The following CMBL variants were observed in gnomAD, a reference collection of about 807,000 sequenced individuals.
CMBL encodes carboxymethylenebutenolidase homolog (Pseudomonas).
Under a neutral mutation model 28.7 loss-of-function variants are expected in CMBL, and 17 were observed. That is an observed-to-expected ratio of 0.59 (90% confidence interval 0.41 to 0.89). CMBL has a LOEUF of 0.89. CMBL is among the 40% of genes least tolerant of loss of function. CMBL has a pLI of 0.00. For synonymous variants in CMBL, 106 were observed against 101.6 expected (o/e 1.04, Z -0.26); for missense variants, 310 against 298.5 (o/e 1.04, Z -0.28).
chr5:10,286,302 C>T, intron 4 of CMBL, 52 bp downstream of exon 4: 2 of 1,564,926 alleles, frequency 1.3e-6, no homozygotes, highest in Non-Finnish European at 8.7e-7. Context: ...ATTGTTGTCA[C>T]TCTTCCACCC....
intron 1 of CMBL, among the ~76,000 whole-genome samples, chr5:10,303,593 G>C (rs1746947951): frequency 6.6e-6 from 1 of 152,146 alleles, no homozygotes; most frequent in South Asian, 2.1e-4. Flanking sequence ...TGCAGCACTG[G>C]AAAGTGTAAA....
At chr5:10,291,478 C>G (rs1051907006) in intron 1 of CMBL, among the ~76,000 whole-genome samples, 3 of 151,886 alleles carry the variant, frequency 2.0e-5, no homozygotes, top group Admixed American at 1.3e-4. Context: ...CTGGCTAACA[C>G]GGTGAAACCC....
rs1402073331 is a variant in CMBL at position 10,289,553 on chromosome 5, C to T, written c.215+995G>A. ...GGTTTCCTAATCTGCAAAATGAGAG[C>T]AATAACAGCTCCTCCCTCAAGGGGC... On this transcript the variant is annotated intron_variant, in intron 2 of 5. Transcript: ENST00000296658. The surrounding 1 kb of genome is among the most constrained non-coding windows in gnomAD (Gnocchi z 4.3). Among the ~76,000 whole-genome samples the T allele has an allele frequency of 6.6e-6, 1 of 152,160 alleles. No homozygotes were observed. Among genetic ancestry groups the T allele is most frequent in the Non-Finnish European group, 1.5e-5 (1 of 68,034 alleles).
intron 1 of CMBL, among the ~76,000 whole-genome samples, chr5:10,301,309 T>C (rs1044442211): frequency 2.0e-5 from 3 of 152,198 alleles, no homozygotes; most frequent in African/African-American, 7.2e-5. Flanking sequence ...TAACTAGTTA[T>C]CCAATCAAGG....
intron 1 of CMBL, among the ~76,000 whole-genome samples, chr5:10,296,727 A>T (rs950764987): frequency 1.3e-5 from 2 of 152,176 alleles, no homozygotes; most frequent in Non-Finnish European, 2.9e-5. Context: ...GAAGACCCCA[A>T]GTGTGGTGTC....
intron 1 of CMBL, among the ~76,000 whole-genome samples, chr5:10,296,279 T>C (rs907674073): frequency 2.6e-5 from 4 of 152,128 alleles, no homozygotes; most frequent in African/African-American, 7.2e-5. Flanking sequence ...TGACTGTATG[T>C]GGGTTTGGTT....
In CMBL at chr5:10,279,302, A is replaced by G. The variant is rs1188193259; in HGVS notation, c.*1151T>C. ...CAAAAATTCAAAAAATTAGTTTATT[A>G]GCTTAATATAATTAGGTCAATGGAA... On this transcript the variant is annotated 3_prime_UTR_variant, in exon 6 of 6. Transcript: ENST00000296658. 6.6e-6 allele frequency: 1 copy of G among 152,244 alleles called. No homozygotes were observed. The highest frequency in any genetic ancestry group is 1.5e-5 in the Non-Finnish European group (1 of 68,038). The allele number at this position is 152,244 out of a possible 1,614,324, so 9.4% of individuals were successfully genotyped here. A position where few individuals can be genotyped will look rare whatever the true frequency, so the allele number is the denominator to read the frequency against.
chr5:10,294,340 T>G (rs555728679), intron 1 of CMBL, among the ~76,000 whole-genome samples: 1 of 152,126 alleles, frequency 6.6e-6, no homozygotes, highest in East Asian at 1.9e-4. Flanking sequence ...TTTGGGAGGC[T>G]GAGGTGGGAG....
At chr5:10,282,351 C>G (rs1467924866) in intron 4 of CMBL, 63 bp from the exon 5 acceptor site, 9 of 944,938 alleles carry the variant, frequency 9.5e-6, no homozygotes, top group Non-Finnish European at 1.4e-5. Flanking sequence ...GATCCCCACA[C>G]CCATGCCGCA....
chr5:10,288,614 G>A (rs542381026), intron 2 of CMBL, 85 bp from the exon 3 acceptor site: 20 of 1,052,038 alleles, frequency 1.9e-5, no homozygotes, highest in South Asian at 5.1e-5. Context: ...AACTTGCTAC[G>A]TTGGCGATTC....
At chr5:10,286,589 T>A in intron 3 of CMBL, 93 bp from the exon 4 acceptor site, 2 of 1,216,202 alleles carry the variant, frequency 1.6e-6, no homozygotes, top group Non-Finnish European at 2.2e-6. Context: ...TATCAGCAAC[T>A]GTTTTTGAAG....
At chr5:10,305,989 TACA>T (rs10611513) in intron 1 of CMBL, among the ~76,000 whole-genome samples, 18,780 of 152,146 alleles carry the variant, frequency 0.12, 1,820 homozygotes, top group African/African-American at 0.27. Context: ...TTGAACCAGT[TACA>T]ACATCTGCCT....
chr5:10,277,837 A>C lies in CMBL; in HGVS notation c.*2616T>G, dbSNP rs1746421952. 6.6e-6 allele frequency among the ~76,000 whole-genome samples: 1 copy of C among 152,224 alleles called. No individual in the cohort carries two copies. The highest frequency in any genetic ancestry group is 1.5e-5 in the Non-Finnish European group (1 of 68,034). ...GCAGAGGGAAGGCTGCCCAGGCCCCAAGCTCACCATGAAGGATACAGCCAC... is the reference window on the plus strand; with the variant it reads ...GCAGAGGGAAGGCTGCCCAGGCCCCCAGCTCACCATGAAGGATACAGCCAC... On this transcript the variant is annotated 3_prime_UTR_variant, in exon 6 of 6. Coordinates refer to ENST00000296658, the MANE Select transcript of CMBL (RefSeq NM_138809.4).
chr5:10,306,157 G>A (rs1746997179), intron 1 of CMBL, among the ~76,000 whole-genome samples: 2 of 152,196 alleles, frequency 1.3e-5, no homozygotes, highest in Admixed American at 6.5e-5. Flanking sequence ...AGGTGATAAA[G>A]TATGGTGAGG....
chr5:10,281,855 C>T (rs1403785447), intron 5 of CMBL, among the ~76,000 whole-genome samples: 3 of 152,062 alleles, frequency 2.0e-5, no homozygotes, highest in Admixed American at 6.6e-5. Context: ...AATGTCAAAC[C>T]GTGCTATTAA....
Position 10,294,746 on chromosome 5 carries a change from G to T in CMBL, c.-19-3965C>A, listed in dbSNP as rs181397903. Among the ~76,000 whole-genome samples, 5 of 152,338 alleles carry T rather than the reference G, an allele frequency of 3.3e-5. No homozygotes were observed. In the East Asian group the frequency reaches 7.7e-4, roughly 23 times the overall value. ...TCAAGTGTGGACAGATTTTACGGCA[G>T]AGCCACTCAGTTCTGCTGACAGATT... On this transcript the variant is annotated intron_variant, in intron 1 of 5. Coordinates refer to ENST00000296658, the MANE Select transcript of CMBL (RefSeq NM_138809.4).
At chr5:10,300,195 G>A (rs889823894) in intron 1 of CMBL, among the ~76,000 whole-genome samples, 2 of 152,166 alleles carry the variant, frequency 1.3e-5, no homozygotes, top group Non-Finnish European at 2.9e-5. Flanking sequence ...CACAACAGAC[G>A]CACAGAAGAG....
chr5:10,301,604 G>A (rs1181297922), intron 1 of CMBL, among the ~76,000 whole-genome samples: 1 of 70,584 alleles, frequency 1.4e-5, no homozygotes, highest in South Asian at 3.6e-4. Context: ...TTTTCTTTTC[G>A]GGTTTTTTTT....
intron 1 of CMBL, among the ~76,000 whole-genome samples, chr5:10,294,692 G>A (rs1561064821): frequency 6.6e-6 from 1 of 152,234 alleles, no homozygotes; most frequent in Non-Finnish European, 1.5e-5. Context: ...GCTCACACCA[G>A]GACGGTGATG....
Sources: allele counts gnomAD v4.1 joint callset (sites outside exome capture counted in the v4.1 genomes callset), GRCh38; gene constraint gnomAD v4.1.1; non-coding constraint Gnocchi (gnomAD v3.1); transcripts MANE v1.5; gene names NCBI Gene and HGNC (gene_info 2026-07-23, HGNC 2026-07-21).